ZDHHC24: variants seen among roughly 807,000 people sequenced by gnomAD.
The protein encoded by ZDHHC24 is probable palmitoyltransferase ZDHHC24.
A neutral mutation model predicts 23.2 loss-of-function variants in ZDHHC24; 17 were observed. That is an observed-to-expected ratio of 0.73 (90% confidence interval 0.50 to 1.10). The LOEUF (loss-of-function observed/expected upper bound fraction) is 1.10. Among genes scored for constraint, ZDHHC24 ranks in the 50% least tolerant of loss-of-function variants. The pLI is 0.00. For missense variants in ZDHHC24, 366 were observed against 393.0 expected (o/e 0.93, Z 0.58); for synonymous variants, 186 against 194.5 (o/e 0.96, Z 0.36).
chr11:66,540,296 G>A (rs1044352402), intron 2 of ZDHHC24, among the ~76,000 whole-genome samples: 15 of 152,030 alleles, frequency 9.9e-5, no homozygotes, highest in African/African-American at 3.4e-4. Flanking sequence ...GCAGGCGCCT[G>A]TAATCCCAGC....
Position 66,539,472 on chromosome 11 carries a change from G to A in ZDHHC24, c.*57C>T. 2.7e-6 allele frequency: 4 copies of A among 1,478,154 alleles called. No homozygotes were observed. Among genetic ancestry groups the A allele is most frequent in the South Asian group, 1.4e-5 (1 of 69,908 alleles). The allele number at this position is 1,478,154 out of a possible 1,614,324, so 91.6% of individuals were successfully genotyped here. A position where few individuals can be genotyped will look rare whatever the true frequency, so the allele number is the denominator to read the frequency against. ...AACCCGACTTCCTTACTGAGTCTAG[G>A]TGTGGGGGCCCCCCTCTCACCCCTT... On this transcript the variant is annotated 3_prime_UTR_variant, in exon 3 of 3. Coordinates refer to ENST00000310442, the MANE Select transcript of ZDHHC24 (RefSeq NM_207340.3).
At chr11:66,530,066 G>T (rs917798777) in intron 2 of ZDHHC24, 8 of 1,449,634 alleles carry the variant, frequency 5.5e-6, no homozygotes, top group Non-Finnish European at 7.5e-6. Flanking sequence ...AACTCAGCCC[G>T]TGCTCCCCAT....
intron 3 of ZDHHC24, among the ~76,000 whole-genome samples, chr11:66,528,201 A>G (rs1253702451): frequency 6.6e-6 from 1 of 152,220 alleles, no homozygotes; most frequent in Non-Finnish European, 1.5e-5. Flanking sequence ...GGGTGACAAG[A>G]GCCAGACTCC....
downstream of ZDHHC24, chr11:66,532,465 G>C (rs41302425): frequency 0.026 from 4,689 of 179,734 alleles, 89 homozygotes; most frequent in Non-Finnish European, 0.038. Context: ...GAAATCAGAA[G>C]CTCTTCTTGG....
chr11:66,523,410 G>A lies in ZDHHC24; in HGVS notation c.*22-1944C>T, dbSNP rs1856332207. ...ACAGAGGAGGGTCAGCCATAGAAGTGGAGAGGATTTCTCTGGGGCCAGACA... is the reference window on the plus strand; with the variant it reads ...ACAGAGGAGGGTCAGCCATAGAAGTAGAGAGGATTTCTCTGGGGCCAGACA... On this transcript the variant is annotated intron_variant, in intron 4 of 4. Coordinates refer to the ZDHHC24 transcript ENST00000526986. The A allele has an allele frequency of 2.5e-6, 4 of 1,614,038 alleles. No homozygotes were observed. In the East Asian group the frequency reaches 8.9e-5, roughly 36 times the overall value.
chr11:66,525,318 C>T (rs1409503089), intron 4 of ZDHHC24, among the ~76,000 whole-genome samples: 1 of 152,106 alleles, frequency 6.6e-6, no homozygotes, highest in Admixed American at 6.6e-5. Flanking sequence ...GAGATCGCGC[C>T]ACTGCACTCC....
downstream of ZDHHC24, among the ~76,000 whole-genome samples, chr11:66,530,646 G>A (rs1280904997): frequency 6.6e-6 from 1 of 152,134 alleles, no homozygotes; most frequent in Non-Finnish European, 1.5e-5. Context: ...AGGGGCTCAG[G>A]TGAGAGTCGG....
chr11:66,541,677 C>G (rs1004489765), intron 2 of ZDHHC24, among the ~76,000 whole-genome samples: 3 of 152,136 alleles, frequency 2.0e-5, no homozygotes, highest in Admixed American at 6.5e-5. Context: ...AGGGCAACCA[C>G]AAAGGAAGGT....
chr11:66,539,490 C>T lies in ZDHHC24; in HGVS notation c.*39G>A. 1.3e-6 allele frequency: 2 copies of T among 1,494,232 alleles called. No homozygotes were observed. The highest frequency in any genetic ancestry group is 1.8e-6 in the Non-Finnish European group (2 of 1,123,788). The allele number at this position is 1,494,232 out of a possible 1,614,324, so 92.6% of individuals were successfully genotyped here. Reference sequence around the variant, plus strand: ...AGTCTAGGTGTGGGGGCCCCCCTCTCACCCCTTCCTCCCTGCACAGCTCTG... The same window carrying T: ...AGTCTAGGTGTGGGGGCCCCCCTCTTACCCCTTCCTCCCTGCACAGCTCTG... On this transcript the variant is annotated 3_prime_UTR_variant, in exon 3 of 3. Transcript: ENST00000310442.
chr11:66,521,628 G>C, intron 4 of ZDHHC24: 1 of 485,334 alleles, frequency 2.1e-6, no homozygotes, highest in Admixed American at 3.3e-5. Flanking sequence ...AGGACAGGCT[G>C]GGCGCTGTGG....
chr11:66,540,487 T>C (rs192674772), intron 2 of ZDHHC24, among the ~76,000 whole-genome samples: 2 of 150,660 alleles, frequency 1.3e-5, no homozygotes, highest in Non-Finnish European at 2.9e-5. Context: ...CCCAGTATTT[T>C]GGGAGGCCGA....
chr11:66,545,657 T>G lies in ZDHHC24; in HGVS notation c.281+66A>C, dbSNP rs1857292627. Reference sequence around the variant, plus strand: ...TGTAACCCGGTTCTAACATCTCAGGTCTTGGGGCCCCTCCCCCCTGTCCAA... The same window carrying G: ...TGTAACCCGGTTCTAACATCTCAGGGCTTGGGGCCCCTCCCCCCTGTCCAA... On this transcript the variant is annotated intron_variant, in intron 1 of 2. Transcript: ENST00000310442. The surrounding 1 kb of genome is among the most constrained non-coding windows in gnomAD (Gnocchi z 4.5). The G allele has an allele frequency of 7.1e-7, 1 of 1,415,530 alleles. No homozygotes were observed. The highest frequency in any genetic ancestry group is 1.5e-5 in the African/African-American group (1 of 66,370). The allele number at this position is 1,415,530 out of a possible 1,614,324, so 87.7% of individuals were successfully genotyped here. A position where few individuals can be genotyped will look rare whatever the true frequency, so the allele number is the denominator to read the frequency against.
intron 2 of ZDHHC24, among the ~76,000 whole-genome samples, chr11:66,543,047 G>C (rs1466250448): frequency 6.6e-6 from 1 of 152,160 alleles, no homozygotes; most frequent in East Asian, 1.9e-4. Context: ...CCATGGAAAG[G>C]TCAGGAGGAA....
In ZDHHC24 at chr11:66,523,535, G is replaced by T. The variant is rs1228755309; in HGVS notation, c.*22-2069C>A. The stretch of plus-strand genomic sequence containing the variant: ...TATCCGGGTACACAAGGTCCTAGTG[G>T]TGGGCAGCACCCAAGACAGCCTGCA... On this transcript the variant is annotated intron_variant, in intron 4 of 4. Transcript: ENST00000526986. 6 of 1,614,144 alleles carry T rather than the reference G, an allele frequency of 3.7e-6. No homozygotes were observed. The highest frequency in any genetic ancestry group is 1.7e-5 in the Admixed American group (1 of 60,014).
chr11:66,539,553 T>C lies in ZDHHC24; in HGVS notation c.831A>G (p.Ala277=). 6.3e-7 allele frequency: 1 copy of C among 1,593,578 alleles called. No individual in the cohort carries two copies. Among genetic ancestry groups the C allele is most frequent in the Non-Finnish European group, 8.6e-7 (1 of 1,169,272 alleles). ...GTCAGGAGGCTGTGTGTCCCACATC[T>C]GCTGTGGTCTGGAAGGTGATCCCAT... ...PGDGITFQTT[A]DVGHTAS Residue 277 remains alanine, a synonymous_variant, in exon 3 of 3, where the codon GCA becomes GCG. Coordinates refer to ENST00000310442, the MANE Select transcript of ZDHHC24 (RefSeq NM_207340.3).
At chr11:66,529,205 G>GGGGGGC in intron 3 of ZDHHC24, 1 of 957,244 alleles carries the variant, frequency 1.0e-6, no homozygotes, top group Non-Finnish European at 1.6e-6. Flanking sequence ...GGCGGGGTGG[G>GGGGGGC]CCCTGGAGGT....
chr11:66,528,454 T>TA (rs978774579), intron 3 of ZDHHC24, among the ~76,000 whole-genome samples: 1 of 152,150 alleles, frequency 6.6e-6, no homozygotes, highest in African/African-American at 2.4e-5. Context: ...TGAGGGGACT[T>TA]ACCCTATCAG....
downstream of ZDHHC24, among the ~76,000 whole-genome samples, chr11:66,531,386 T>G (rs1856774979): frequency 6.6e-6 from 1 of 152,124 alleles, no homozygotes; most frequent in South Asian, 2.1e-4. Flanking sequence ...TGACCCCAAG[T>G]TGGGAGGACC....
At chr11:66,533,292 TAC>T (rs1435869868), downstream of ZDHHC24, 3 of 152,356 alleles carry the variant, frequency 2.0e-5, no homozygotes, top group South Asian at 2.1e-4. Context: ...AATGTGGAAT[TAC>T]ACAGTTTGTA....
Sources: gnomAD v4.1 joint callset for allele counts (sites outside exome capture counted in the v4.1 genomes callset) on GRCh38, gnomAD v4.1.1 for gene constraint, Gnocchi (gnomAD v3.1) non-coding constraint, MANE v1.5 for transcripts, NCBI Gene and HGNC (gene_info 2026-07-23, HGNC 2026-07-21) for gene names.